The following TMCO1 variants were observed in gnomAD, a reference collection of about 807,000 sequenced individuals.
The protein encoded by TMCO1 is calcium load-activated calcium channel.
TMCO1 carries 29 observed loss-of-function variants against 29.3 expected under a neutral mutation model. The observed-to-expected ratio is 0.99, with a 90% CI of 0.74 to 1.35. The LOEUF is 1.35. Among genes scored for constraint, TMCO1 ranks in the 40% most tolerant of loss-of-function variants. TMCO1 has a pLI of 0.00. For missense variants in TMCO1, 173 were observed against 225.5 expected, an observed-to-expected ratio of 0.77 and a Z score of 1.49; for synonymous variants, 80 against 77.1, an observed-to-expected ratio of 1.04 and a Z score of -0.20.
At chr1:165,756,431 C>T (rs1374123947) in intron 3 of TMCO1, among the ~76,000 whole-genome samples, 1 of 152,162 alleles carries the variant, frequency 6.6e-6, no homozygotes. Flanking sequence ...TCAGCTTTGC[C>T]TGAGTTTCTC....
At chr1:165,747,371 C>T (rs1172168168) in intron 5 of TMCO1, among the ~76,000 whole-genome samples, 1 of 149,964 alleles carries the variant, frequency 6.7e-6, no homozygotes, top group Non-Finnish European at 1.5e-5. Flanking sequence ...AAAGAAACTA[C>T]AGAAAGTATA....
intron 6 of TMCO1, among the ~76,000 whole-genome samples, chr1:165,732,636 G>C (rs6663203): frequency 0.07 from 10,685 of 152,014 alleles, 486 homozygotes; most frequent in Non-Finnish European, 0.1. Flanking sequence ...TGTCAGTGTA[G>C]ATTAATCAAT....
intron 6 of TMCO1, among the ~76,000 whole-genome samples, chr1:165,740,206 T>G (rs982615850): frequency 6.6e-6 from 1 of 152,008 alleles, no homozygotes; most frequent in Non-Finnish European, 1.5e-5. Flanking sequence ...TTTTACTTAT[T>G]TATTTATTTT....
intron 2 of TMCO1, 54 bp from the exon 3 acceptor site, chr1:165,759,638 A>G (rs552812126): frequency 1.4e-6 from 2 of 1,444,236 alleles, no homozygotes; most frequent in East Asian, 4.6e-5. Flanking sequence ...CTAAAGAAAC[A>G]AAGGATGCTT....
At chr1:165,742,641 C>T (rs1035992939) in intron 6 of TMCO1, among the ~76,000 whole-genome samples, 2 of 152,132 alleles carry the variant, frequency 1.3e-5, no homozygotes, top group Non-Finnish European at 2.9e-5. Context: ...CCCCACTAAT[C>T]GAATGTTATA....
chr1:165,768,146 T>C, intron 2 of TMCO1, 46 bp downstream of exon 2: 1 of 1,446,546 alleles, frequency 6.9e-7, no homozygotes, highest in Non-Finnish European at 9.7e-7. Context: ...ATGGACTTAA[T>C]GAGCTTGACG....
At chr1:165,725,074 A>T, downstream of TMCO1, 1 of 398,236 alleles carries the variant, frequency 2.5e-6, no homozygotes, top group Non-Finnish European at 4.7e-6. Flanking sequence ...ATAATAGTAT[A>T]TTTTTGAGAT....
chr1:165,746,247 C>T (rs1651790760), intron 5 of TMCO1, among the ~76,000 whole-genome samples: 1 of 146,544 alleles, frequency 6.8e-6, no homozygotes, highest in African/African-American at 2.6e-5. Flanking sequence ...AGGCGGAGGT[C>T]GTAGTGAGCC....
downstream of TMCO1, chr1:165,726,222 A>G (rs772088933): frequency 2.9e-6 from 2 of 699,818 alleles, no homozygotes; most frequent in East Asian, 2.7e-5. Context: ...AAGACCATTA[A>G]AAGTCATTAC....
intron 6 of TMCO1, among the ~76,000 whole-genome samples, chr1:165,732,843 A>G (rs1484680798): frequency 6.6e-6 from 1 of 152,220 alleles, no homozygotes; most frequent in Admixed American, 6.5e-5. Flanking sequence ...AGTTGTATTA[A>G]TAATAGTTGT....
At chr1:165,744,535 T>C (rs1651717409) in intron 5 of TMCO1, among the ~76,000 whole-genome samples, 2 of 152,116 alleles carry the variant, frequency 1.3e-5, no homozygotes, top group South Asian at 4.1e-4. Context: ...CTCACACCTG[T>C]AATTCCAGCA....
intron 3 of TMCO1, among the ~76,000 whole-genome samples, chr1:165,755,777 C>A (rs749313473): frequency 6.6e-6 from 1 of 152,194 alleles, no homozygotes; most frequent in Non-Finnish European, 1.5e-5. Flanking sequence ...CTGCCTGGCA[C>A]CATACCTTGT....
downstream of TMCO1, chr1:165,724,946 A>C (rs1265858367): frequency 2.2e-6 from 1 of 451,264 alleles, no homozygotes; most frequent in East Asian, 7.0e-5. Context: ...TAATTGTCGA[A>C]GGTGGAGGAT....
chr1:165,731,776 T>C (rs1052144146), intron 6 of TMCO1, among the ~76,000 whole-genome samples: 2 of 152,212 alleles, frequency 1.3e-5, no homozygotes, highest in Non-Finnish European at 2.9e-5. Context: ...GACACTTCAG[T>C]AGCCACAGCC....
intron 3 of TMCO1, among the ~76,000 whole-genome samples, chr1:165,757,952 A>G (rs921436128): frequency 6.6e-6 from 1 of 152,252 alleles, no homozygotes. Context: ...TATCCTTCCT[A>G]TTCTTTATAG....
At position 165,727,086 on chromosome 1, in the gene TMCO1, T is replaced by A. The variant is rs150123019; in HGVS notation, c.*937A>T. The A allele has an allele frequency of 2.2e-6, 1 of 454,084 alleles. No individual in the cohort carries two copies. Among genetic ancestry groups the A allele is most frequent in the Admixed American group, 2.3e-5 (1 of 42,564 alleles). 28.1% of individuals were successfully genotyped at this position (454,084 alleles called of 1,614,324 possible). A position where few individuals can be genotyped will look rare whatever the true frequency, so the allele number is the denominator to read the frequency against. ...TCCATAGATTATGCGGGGAGGATCA[T>A]GGTACAAACATCCTTCTCCCTTATG... On this transcript the variant is annotated 3_prime_UTR_variant, in exon 7 of 7. Transcript: ENST00000367881.
At chr1:165,725,840 G>C (rs555087803), downstream of TMCO1, 1 of 486,668 alleles carries the variant, frequency 2.1e-6, no homozygotes, top group East Asian at 5.8e-5. Flanking sequence ...TTTAAGAATA[G>C]AGTGAATATA....
At chr1:165,736,682 T>C (rs996949800) in intron 6 of TMCO1, among the ~76,000 whole-genome samples, 1 of 145,372 alleles carries the variant, frequency 6.9e-6, no homozygotes, top group Non-Finnish European at 1.5e-5. Context: ...ATCATGCCAC[T>C]GCACTACAGC....
At chr1:165,764,461 A>G (rs754818644) in intron 2 of TMCO1, among the ~76,000 whole-genome samples, 1 of 152,190 alleles carries the variant, frequency 6.6e-6, no homozygotes, top group Non-Finnish European at 1.5e-5. Context: ...ATAAACTATG[A>G]TAGGAAGATT....
Sources: gnomAD v4.1 joint callset for allele counts (sites outside exome capture counted in the v4.1 genomes callset) on GRCh38, gnomAD v4.1.1 for gene constraint, MANE v1.5 for transcripts, NCBI Gene and HGNC (gene_info 2026-07-23, HGNC 2026-07-21) for gene names.